SIPA1L2: variants seen among roughly 807,000 people sequenced by gnomAD.
The protein encoded by SIPA1L2 is signal induced proliferation associated 1 like 2.
SIPA1L2 carries 56 observed loss-of-function variants against 163.9 expected under a neutral mutation model. The ratio of observed to expected loss-of-function variants is 0.34; its 90% confidence interval spans 0.28 to 0.43. The LOEUF (loss-of-function observed/expected upper bound fraction) is 0.43. Ranked by LOEUF, SIPA1L2 falls within the 20% of genes least tolerant of loss-of-function variation. The pLI is 1.00. For synonymous variants in SIPA1L2, 877 were observed against 865.7 expected (o/e 1.01, Z -0.23); for missense variants, 1,974 against 2,193.5 (o/e 0.90, Z 2.00).
chr1:232,629,430 C>G (rs1663251703), intron 1 of SIPA1L2, among the ~76,000 whole-genome samples: 1 of 152,174 alleles, frequency 6.6e-6, no homozygotes, highest in Admixed American at 6.5e-5. Flanking sequence ...CCGGGCGCAC[C>G]CCCTCTAGAA....
At chr1:232,516,208 T>C (rs1667213124) in intron 2 of SIPA1L2, among the ~76,000 whole-genome samples, 1 of 152,210 alleles carries the variant, frequency 6.6e-6, no homozygotes, top group Admixed American at 6.5e-5. Context: ...AGTGATCACT[T>C]GTAGTCAAAT....
At chr1:232,419,838 C>G in intron 18 of SIPA1L2, among the ~76,000 whole-genome samples, 1 of 152,226 alleles carries the variant, frequency 6.6e-6, no homozygotes, top group South Asian at 2.1e-4. Flanking sequence ...ATATGCAATA[C>G]TTTTATCACT....
At chr1:232,561,611 T>G (rs551972584) in intron 2 of SIPA1L2, 3 of 152,340 alleles carry the variant, frequency 2.0e-5, no homozygotes, top group Non-Finnish European at 4.4e-5. Flanking sequence ...GTGCCCAGAA[T>G]GAACAGTCCA....
At chr1:232,493,941 C>G (rs1263447382) in intron 3 of SIPA1L2, among the ~76,000 whole-genome samples, 1 of 152,198 alleles carries the variant, frequency 6.6e-6, no homozygotes, top group African/African-American at 2.4e-5. Flanking sequence ...ATGTGAATAG[C>G]ATCATCAGAA....
chr1:232,541,201 A>G (rs1657638285), intron 2 of SIPA1L2, among the ~76,000 whole-genome samples: 1 of 152,124 alleles, frequency 6.6e-6, no homozygotes, highest in African/African-American at 2.4e-5. Context: ...GCACACGTTT[A>G]CCTATGTAAC....
intron 1 of SIPA1L2, among the ~76,000 whole-genome samples, chr1:232,582,155 A>C (rs138277134): frequency 1.3e-3 from 199 of 152,098 alleles, no homozygotes; most frequent in African/African-American, 4.6e-3. Flanking sequence ...AATTTCATTC[A>C]CTGTCTATGC....
chr1:232,592,301 T>C (rs950304169), intron 1 of SIPA1L2, among the ~76,000 whole-genome samples: 7 of 152,156 alleles, frequency 4.6e-5, no homozygotes, highest in Non-Finnish European at 7.4e-5. Flanking sequence ...ATGAAGACAA[T>C]TTTCCTCCGC....
intron 15 of SIPA1L2, among the ~76,000 whole-genome samples, chr1:232,436,479 G>C (rs182178112): frequency 7.7e-4 from 118 of 152,270 alleles, no homozygotes; most frequent in African/African-American, 2.7e-3. Context: ...GTTCCTGAAA[G>C]TTTATTCTGC....
At chr1:232,525,599 C>T (rs1411699386) in intron 2 of SIPA1L2, among the ~76,000 whole-genome samples, 1 of 152,016 alleles carries the variant, frequency 6.6e-6, no homozygotes, top group Non-Finnish European at 1.5e-5. Flanking sequence ...GCCTTACACC[C>T]CACGAGACGC....
At chr1:232,462,213 T>C (rs1175944405) in intron 9 of SIPA1L2, 9 of 1,550,618 alleles carry the variant, frequency 5.8e-6, no homozygotes, top group South Asian at 1.2e-5. Context: ...TTACATCCAA[T>C]GAAAGAAAAA....
At chr1:232,578,455 A>G (rs1315486440) in intron 1 of SIPA1L2, among the ~76,000 whole-genome samples, 1 of 152,200 alleles carries the variant, frequency 6.6e-6, no homozygotes, top group African/African-American at 2.4e-5. Flanking sequence ...CAATTTAAAA[A>G]ACCTCAAAGC....
chr1:232,515,403 AC>A lies in SIPA1L2; in HGVS notation c.-65del. ...CTGATGTAAATCTAATTACATTGCT[AC>A]CGACCACGCCATAATACTTGCAGAT... On this transcript the variant is annotated 5_prime_UTR_variant, in exon 3 of 23. The change creates a premature stop within an existing upstream ORF in the 5' untranslated region. Coordinates refer to ENST00000674635, the MANE Select transcript of SIPA1L2 (RefSeq NM_020808.5). 6.8e-7 allele frequency: 1 copy of A among 1,473,644 alleles called. No individual in the cohort carries two copies. Among genetic ancestry groups the A allele is most frequent in the Non-Finnish European group, 9.1e-7 (1 of 1,103,506 alleles). The allele number at this position is 1,473,644 out of a possible 1,614,324, so 91.3% of individuals were successfully genotyped here. A position where few individuals can be genotyped will look rare whatever the true frequency, so the allele number is the denominator to read the frequency against.
intron 2 of SIPA1L2, among the ~76,000 whole-genome samples, chr1:232,536,040 G>A (rs1346500552): frequency 6.6e-6 from 1 of 152,212 alleles, no homozygotes; most frequent in Non-Finnish European, 1.5e-5. Context: ...GGCACACACT[G>A]CCTGGGAAGG....
At chr1:232,477,630 C>A (rs1222728041) in intron 7 of SIPA1L2, among the ~76,000 whole-genome samples, 2 of 152,152 alleles carry the variant, frequency 1.3e-5, no homozygotes, top group Non-Finnish European at 2.9e-5. Context: ...TCCTCTATCC[C>A]CCAGTTGCAT....
At chr1:232,489,699 T>C (rs1487858038) in intron 5 of SIPA1L2, among the ~76,000 whole-genome samples, 1 of 152,168 alleles carries the variant, frequency 6.6e-6, no homozygotes, top group East Asian at 1.9e-4. Context: ...AACCAAGAAA[T>C]ACCTCATATT....
rs1667104353 is a variant in SIPA1L2 at position 232,514,068 on chromosome 1, A to C, written c.1272T>G (p.Ile424Met). 1.2e-6 allele frequency: 2 copies of C among 1,614,086 alleles called. No individual in the cohort carries two copies. The highest frequency in any genetic ancestry group is 2.7e-5 in the African/African-American group (2 of 74,948). ...AGGATGAGTTGGCTCGAGAGAGCGC[A>C]ATCCGCCTGTCGCCTTCCCCTCCAG... ...NETGGEGDRR[I>M]ALSRANSSSF... Residue 424 changes from isoleucine to methionine, a missense_variant, in exon 3 of 23, where the codon ATT (isoleucine) becomes ATG (methionine). Physicochemically the swap from Ile to Met is conservative, Grantham distance 10 (BLOSUM62 1). This residue lies in a region of SIPA1L2 where 607 missense variants were observed against 624.0 expected (regional missense o/e 0.97). Coordinates refer to ENST00000674635, the MANE Select transcript of SIPA1L2 (RefSeq NM_020808.5).
chr1:232,532,701 C>A (rs964585632), intron 2 of SIPA1L2, among the ~76,000 whole-genome samples: 1 of 152,184 alleles, frequency 6.6e-6, no homozygotes, highest in Non-Finnish European at 1.5e-5. Context: ...TCTAGAGAGT[C>A]AGAATTTGTA....
At chr1:232,547,729 GA>G (rs1388701778) in intron 2 of SIPA1L2, among the ~76,000 whole-genome samples, 5 of 152,022 alleles carry the variant, frequency 3.3e-5, no homozygotes, top group South Asian at 2.1e-4. Context: ...AGTGTTTAAC[GA>G]AAAAATTCCT....
rs537260318 is a variant in SIPA1L2 at position 232,564,593 on chromosome 1, T to C, written c.-270+9581A>G. On this transcript the variant is annotated intron_variant, in intron 2 of 22. Transcript: ENST00000674635. ...TACAAGAAACCATCAGATGAGATCA[T>C]AAGAAAGTACAAAGTTAAAAGCTAC... Among the ~76,000 whole-genome samples the C allele has an allele frequency of 2.0e-4, 31 of 152,116 alleles. No homozygotes were observed. In the South Asian group the frequency reaches 6.4e-3, roughly 32 times the overall value.
Sources: gnomAD v4.1 joint callset for allele counts (sites outside exome capture counted in the v4.1 genomes callset) on GRCh38, gnomAD v4.1.1 for gene constraint, gnomAD v4.1.1 regional missense constraint, MANE v1.5 for transcripts, NCBI Gene and HGNC (gene_info 2026-07-23, HGNC 2026-07-21) for gene names.